Variants in CIBAR1 observed in about 807,000 individuals in gnomAD.
The protein encoded by CIBAR1 is CBY1 interacting BAR domain containing 1.
CIBAR1 carries 25 observed loss-of-function variants against 44.0 expected under a neutral mutation model. The observed-to-expected ratio is 0.57, with a 90% CI of 0.41 to 0.79. The LOEUF (loss-of-function observed/expected upper bound fraction) is 0.79. Among genes scored for constraint, CIBAR1 ranks in the 30% least tolerant of loss-of-function variants. The probability of loss-of-function intolerance (pLI) is 0.00; values close to 1 mark genes in which losing one functional copy is unlikely to be tolerated. For missense variants in CIBAR1, 278 were observed against 344.8 expected, an observed-to-expected ratio of 0.81 and a Z score of 1.53; for synonymous variants, 115 against 119.0, an observed-to-expected ratio of 0.97 and a Z score of 0.22.
chr8:93,726,317 TTAAC>T (rs1364671227), intron 7 of CIBAR1, 73 bp from the exon 8 acceptor site: 1 of 1,315,690 alleles, frequency 7.6e-7, no homozygotes, highest in South Asian at 1.6e-5. Flanking sequence ...AAAAAAAATC[TTAAC>T]TAAGGAACTT....
chr8:93,728,092 CATTT>C, intron 8 of CIBAR1, 109 bp from the exon 9 acceptor site: 1 of 531,706 alleles, frequency 1.9e-6, no homozygotes, highest in Non-Finnish European at 3.0e-6. Context: ...ATGACATGGA[CATTT>C]TTTTGAAATA....
chr8:93,726,293 G>T, intron 7 of CIBAR1, 101 bp from the exon 8 acceptor site: 2 of 977,956 alleles, frequency 2.0e-6, no homozygotes, highest in Middle Eastern at 3.4e-4. Flanking sequence ...CATTTGGGGG[G>T]AGTTGTTTTT....
At position 93,728,196 on chromosome 8, in the gene CIBAR1, T is replaced by C. The variant is rs1811622021; in HGVS notation, c.778-9T>C. ...TTTTTATTTTAAAAAGTGTGTTAAC[T>C]TTTAACAGGTATCCACTTGTCGACT... On this transcript the variant is annotated splice_polypyrimidine_tract_variant and intron_variant, in intron 8 of 8. Coordinates refer to ENST00000518322, the MANE Select transcript of CIBAR1 (RefSeq NM_145269.5). The C allele has an allele frequency of 6.6e-7, 1 of 1,526,594 alleles. No homozygotes were observed. Among genetic ancestry groups the C allele is most frequent in the Non-Finnish European group, 8.8e-7 (1 of 1,141,412 alleles). 94.6% of individuals were successfully genotyped at this position (1,526,594 alleles called of 1,614,324 possible).
chr8:93,712,320 G>A (rs1810857686), intron 6 of CIBAR1, among the ~76,000 whole-genome samples: 1 of 152,190 alleles, frequency 6.6e-6, no homozygotes, highest in African/African-American at 2.4e-5. Context: ...TGACTTCTGT[G>A]ACTGGCTTCT....
intron 6 of CIBAR1, among the ~76,000 whole-genome samples, chr8:93,711,162 C>T (rs1201546535): frequency 6.6e-6 from 1 of 152,162 alleles, no homozygotes; most frequent in Non-Finnish European, 1.5e-5. Context: ...TGATAACCAT[C>T]TTGGAAACAC....
intron 2 of CIBAR1, 131 bp downstream of exon 2, chr8:93,701,589 T>G: frequency 1.3e-6 from 1 of 740,944 alleles, no homozygotes; most frequent in Non-Finnish European, 2.2e-6. Flanking sequence ...ACGTACATTT[T>G]CATAAGACTG....
chr8:93,722,932 AATGTTTT>A (rs1160477961), intron 7 of CIBAR1, among the ~76,000 whole-genome samples: 1 of 152,224 alleles, frequency 6.6e-6, no homozygotes, highest in Admixed American at 6.5e-5. Context: ...TAGAAAAGTT[AATGTTTT>A]AAGAAAAATG....
chr8:93,701,529 C>A, intron 2 of CIBAR1, 71 bp downstream of exon 2: 1 of 1,340,922 alleles, frequency 7.5e-7, no homozygotes, highest in Admixed American at 2.1e-5. Flanking sequence ...ACCGTGGAAA[C>A]TTTCACTTGT....
intron 7 of CIBAR1, chr8:93,724,478 C>A: frequency 1.8e-6 from 1 of 548,412 alleles, no homozygotes; most frequent in Non-Finnish European, 3.2e-6. Context: ...GCACGTCCCA[C>A]TATGCCTGGC....
intron 7 of CIBAR1, chr8:93,720,208 TC>T (rs1001825933): frequency 2.6e-5 from 4 of 152,002 alleles, no homozygotes; most frequent in African/African-American, 9.7e-5. Context: ...GCTCTCAAAC[TC>T]CCGACCTCAT....
chr8:93,700,945 G>C, intron 1 of CIBAR1: 1 of 1,375,482 alleles, frequency 7.3e-7, no homozygotes, highest in Non-Finnish European at 9.3e-7. Flanking sequence ...CTAGGAGGCA[G>C]CCGGGCGCCC....
At chr8:93,707,581 CAT>C (rs1407316951) in intron 4 of CIBAR1, among the ~76,000 whole-genome samples, 1 of 150,974 alleles carries the variant, frequency 6.6e-6, no homozygotes, top group African/African-American at 2.4e-5. Flanking sequence ...ACAAGGTTAA[CAT>C]GTATCAAATA....
At chr8:93,707,421 A>C (rs996507482) in intron 4 of CIBAR1, 7 of 210,804 alleles carry the variant, frequency 3.3e-5, no homozygotes, top group African/African-American at 1.6e-4. Context: ...AGCCAACTCT[A>C]CTTACTCTTC....
In CIBAR1 at chr8:93,719,788, C is replaced by T. The variant is rs140768232; in HGVS notation, c.657+1000C>T. 3.3e-3 allele frequency: 501 copies of T among 152,062 alleles called. 2 individuals are homozygous for T. The highest frequency in any genetic ancestry group is 0.011 in the African/African-American group (449 of 41,480). 9.4% of individuals were successfully genotyped at this position (152,062 alleles called of 1,614,324 possible). A position where few individuals can be genotyped will look rare whatever the true frequency, so the allele number is the denominator to read the frequency against. ...ATATCCAACCCTCTTACCTTCCAAA[C>T]GGAAAAAATGAAGGTACGAAAGTAT... On this transcript the variant is annotated intron_variant, in intron 7 of 8. Coordinates refer to ENST00000518322, the MANE Select transcript of CIBAR1 (RefSeq NM_145269.5).
intron 1 of CIBAR1, 113 bp downstream of exon 1, chr8:93,700,786 G>A: frequency 7.3e-7 from 1 of 1,363,772 alleles, no homozygotes; most frequent in Non-Finnish European, 9.5e-7. Context: ...CTGAGTGGGA[G>A]GCTGCACGGT....
Position 93,729,681 on chromosome 8 carries a change from T to TA in CIBAR1, c.*1387dup, listed in dbSNP as rs1370005334. ...GACCAGCCTAGGTTGGCAAACTTCTTAAAGGGCCAGATAGCAAATACTGTT... is the reference window on the plus strand; with the variant it reads ...GACCAGCCTAGGTTGGCAAACTTCTTAAAAGGGCCAGATAGCAAATACTGTT... On this transcript the variant is annotated 3_prime_UTR_variant, in exon 9 of 9. Coordinates refer to ENST00000518322, the MANE Select transcript of CIBAR1 (RefSeq NM_145269.5). 2 of 152,176 alleles carry TA rather than the reference T, an allele frequency of 1.3e-5. No homozygotes were observed. Among genetic ancestry groups the TA allele is most frequent in the African/African-American group, 4.8e-5 (2 of 41,450 alleles). The allele number at this position is 152,176 out of a possible 1,614,324, so 9.4% of individuals were successfully genotyped here.
rs753534077 is a variant in CIBAR1, at chr8:93,709,870, A to T, written c.538A>T (p.Ile180Leu). 6.3e-7 allele frequency: 1 copy of T among 1,598,154 alleles called. No individual in the cohort carries two copies. ...CTTTGAAAGGCAGAAAATGAAGGAT[A>T]TAAAGGTAATAAAGTAACTGTTAGG... Reference protein sequence around the residue: ...NNFERQKMKDIKTIFSEFITI... With the variant: ...NNFERQKMKDLKTIFSEFITI... The change falls in exon 6 of 9, where the codon ATA (isoleucine) becomes TTA (leucine). Residue 180 changes from isoleucine to leucine, a missense_variant. This residue lies in a region of CIBAR1 where 183 missense variants were observed against 218.6 expected (regional missense o/e 0.84). Coordinates refer to ENST00000518322, the MANE Select transcript of CIBAR1 (RefSeq NM_145269.5).
At chr8:93,726,631 T>C in intron 8 of CIBAR1, 118 bp downstream of exon 8, 1 of 1,151,556 alleles carries the variant, frequency 8.7e-7, no homozygotes, top group Non-Finnish European at 1.2e-6. Flanking sequence ...CTGGACCTAT[T>C]TCTTCTCTTC....
At chr8:93,701,573 G>C (rs955436101) in intron 2 of CIBAR1, 115 bp downstream of exon 2, 1 of 802,386 alleles carries the variant, frequency 1.2e-6, no homozygotes, top group Non-Finnish European at 2.0e-6. Flanking sequence ...ATGCAAACTT[G>C]ATAAAACGTA....
Sources: gnomAD v4.1 joint callset for allele counts (sites outside exome capture counted in the v4.1 genomes callset) on GRCh38, gnomAD v4.1.1 for gene constraint, gnomAD v4.1.1 regional missense constraint, MANE v1.5 for transcripts, NCBI Gene and HGNC (gene_info 2026-07-23, HGNC 2026-07-21) for gene names.